Variants in TCF7L1 observed in about 807,000 individuals in gnomAD.
TCF7L1 encodes the protein transcription factor 7 like 1, also known as transcription factor 7-like 1.
In TCF7L1, 18 loss-of-function variants were observed where a neutral mutation model predicts 63.7. That is an observed-to-expected ratio of 0.28 (90% CI 0.20 to 0.42). TCF7L1 has a LOEUF of 0.42. TCF7L1 is among the 10% of genes least tolerant of loss of function. The pLI is 1.00. For synonymous variants in TCF7L1, 355 were observed against 340.9 expected (o/e 1.04, Z -0.46); for missense variants, 654 against 779.3 (o/e 0.84, Z 1.91).
At chr2:85,238,423 T>C (rs532591207) in intron 3 of TCF7L1, among the ~76,000 whole-genome samples, 1 of 152,276 alleles carries the variant, frequency 6.6e-6, no homozygotes, top group African/African-American at 2.4e-5. Flanking sequence ...ATGACTACTC[T>C]TTTGGGGGGA....
chr2:85,241,437 G>GTTTTTTTTTTTTTTTT (rs772334481), intron 3 of TCF7L1, among the ~76,000 whole-genome samples: 2 of 83,028 alleles, frequency 2.4e-5, no homozygotes, highest in Non-Finnish European at 5.1e-5. Flanking sequence ...CTTTGTTTTT[G>GTTTTTTTTTTTTTTTT]TTTTTTTTTT....
rs1462489126 is a variant in TCF7L1 at position 85,301,632 on chromosome 2, A to G, written c.526-852A>G. 4.6e-5 allele frequency among the ~76,000 whole-genome samples: 7 copies of G among 152,156 alleles called. No homozygotes were observed. In the East Asian group the frequency reaches 1.3e-3, roughly 29 times the overall value. ...TCCATTTGGTGGTGTTTTACACAGA[A>G]TGTGGTAGTGAGGTCAGCAGAGTAA... On this transcript the variant is annotated intron_variant, in intron 4 of 11. Coordinates refer to ENST00000282111, the MANE Select transcript of TCF7L1 (RefSeq NM_031283.3).
chr2:85,219,586 AG>A (rs1679797937), intron 3 of TCF7L1, among the ~76,000 whole-genome samples: 1 of 152,188 alleles, frequency 6.6e-6, no homozygotes, highest in East Asian at 1.9e-4. Context: ...CATTAGAAAA[AG>A]TAAGTGGCTA....
intron 3 of TCF7L1, among the ~76,000 whole-genome samples, chr2:85,278,423 G>A (rs527510019): frequency 6.6e-6 from 1 of 152,200 alleles, no homozygotes; most frequent in African/African-American, 2.4e-5. Flanking sequence ...TTTAAAACAT[G>A]ACTAGCATTC....
chr2:85,225,742 C>T (rs1210127470), intron 3 of TCF7L1, among the ~76,000 whole-genome samples: 2 of 152,204 alleles, frequency 1.3e-5, no homozygotes, highest in Non-Finnish European at 1.5e-5. Flanking sequence ...ATTTGACTTC[C>T]TCTTTTCCTA....
At position 85,258,445 on chromosome 2, in the gene TCF7L1, G is replaced by GCTTA. The variant is rs528635728; in HGVS notation, c.442-25047_442-25046insACTT. The stretch of plus-strand genomic sequence containing the variant: ...GGGGCTCGCGTTTGCCTGGGGCTGA[G>GCTTA]CTTTGATGGGGGTGCTGAGATGTCT... On this transcript the variant is annotated intron_variant, in intron 3 of 11. Transcript: ENST00000282111. Among the ~76,000 whole-genome samples the GCTTA allele has an allele frequency of 1.7e-3, 258 of 152,272 alleles. 1 individual carries two copies. The highest frequency in any genetic ancestry group is 0.011 in the South Asian group (52 of 4,814).
chr2:85,269,171 A>G (rs1353525166), intron 3 of TCF7L1, among the ~76,000 whole-genome samples: 3 of 152,212 alleles, frequency 2.0e-5, no homozygotes, highest in Non-Finnish European at 4.4e-5. Context: ...GCCCTCATCC[A>G]CAACTGGCAG....
chr2:85,161,921 TG>T (rs1188601908), intron 3 of TCF7L1, among the ~76,000 whole-genome samples: 3 of 151,986 alleles, frequency 2.0e-5, no homozygotes, highest in African/African-American at 7.3e-5. Flanking sequence ...CAGTCCCACA[TG>T]GGAAACAGAG....
intron 3 of TCF7L1, among the ~76,000 whole-genome samples, chr2:85,148,960 G>C (rs906233807): frequency 6.6e-6 from 1 of 151,884 alleles, no homozygotes; most frequent in Non-Finnish European, 1.5e-5. Flanking sequence ...TGTATTTTTA[G>C]TAGAGATGGG....
chr2:85,290,313 A>G (rs1038549658), intron 4 of TCF7L1, among the ~76,000 whole-genome samples: 1 of 152,020 alleles, frequency 6.6e-6, no homozygotes, highest in Non-Finnish European at 1.5e-5. Flanking sequence ...CATCCTGTGC[A>G]TATATTTGTA....
intron 4 of TCF7L1, among the ~76,000 whole-genome samples, chr2:85,284,861 T>C (rs1325399999): frequency 6.6e-6 from 1 of 152,176 alleles, no homozygotes; most frequent in Non-Finnish European, 1.5e-5. Context: ...CCATGTTCCC[T>C]TCACCCAGAA....
In TCF7L1 at chr2:85,306,034, A is replaced by G. The variant is rs1261822188; in HGVS notation, c.990-172A>G. On this transcript the variant is annotated intron_variant, in intron 8 of 11. Transcript: ENST00000282111. The surrounding 1 kb of genome is among the most constrained non-coding windows in gnomAD (Gnocchi z 4.3). ...CGTGGAGATCGTTCAAAGGTGGGAAACTACGGGAGGAAGGTACTCAGGTGT... is the reference window on the plus strand; with the variant it reads ...CGTGGAGATCGTTCAAAGGTGGGAAGCTACGGGAGGAAGGTACTCAGGTGT... Among the ~76,000 whole-genome samples, 1 of 152,104 alleles carries G rather than the reference A, an allele frequency of 6.6e-6. No homozygotes were observed.
At chr2:85,245,578 C>T (rs1288368295) in intron 3 of TCF7L1, among the ~76,000 whole-genome samples, 6 of 151,958 alleles carry the variant, frequency 3.9e-5, no homozygotes, top group East Asian at 1.9e-4. Context: ...TTTGGGAGGC[C>T]GAGGCGGGCA....
chr2:85,212,089 CAAAAAAAAAAA>C (rs61280306), intron 3 of TCF7L1, among the ~76,000 whole-genome samples: 2 of 69,808 alleles, frequency 2.9e-5, no homozygotes, highest in Non-Finnish European at 5.4e-5. Flanking sequence ...GACTCCATCT[CAAAAAAAAAAA>C]AAAAAAAAAA....
chr2:85,307,506 A>G, intron 10 of TCF7L1, 136 bp from the exon 11 acceptor site: 3 of 683,358 alleles, frequency 4.4e-6, no homozygotes, highest in Non-Finnish European at 7.6e-6. Flanking sequence ...TGTGATCTGA[A>G]TTATCTCTCC....
chr2:85,229,013 T>C (rs1573000638), intron 3 of TCF7L1, among the ~76,000 whole-genome samples: 1 of 95,992 alleles, frequency 1.0e-5, no homozygotes, highest in African/African-American at 5.0e-5. Flanking sequence ...AGAGAGAGAC[T>C]CTGTCTCAAA....
At chr2:85,214,778 T>C (rs1679655402) in intron 3 of TCF7L1, among the ~76,000 whole-genome samples, 1 of 152,208 alleles carries the variant, frequency 6.6e-6, no homozygotes, top group Non-Finnish European at 1.5e-5. Flanking sequence ...AAAAAAGATG[T>C]GTACATTTTA....
intron 3 of TCF7L1, among the ~76,000 whole-genome samples, chr2:85,241,431 GTTTTT>G (rs1680323143): frequency 2.9e-5 from 2 of 68,782 alleles, no homozygotes. Flanking sequence ...GATGCACTTT[GTTTTT>G]GTTTTTTTTT....
At chr2:85,296,102 T>C (rs1681835411) in intron 4 of TCF7L1, among the ~76,000 whole-genome samples, 1 of 152,176 alleles carries the variant, frequency 6.6e-6, no homozygotes, top group Non-Finnish European at 1.5e-5. Context: ...TTCATGTCAT[T>C]ATCTTACTCA....
Sources: allele counts gnomAD v4.1 joint callset (sites outside exome capture counted in the v4.1 genomes callset), GRCh38; gene constraint gnomAD v4.1.1; non-coding constraint Gnocchi (gnomAD v3.1); transcripts MANE v1.5; gene names NCBI Gene and HGNC (gene_info 2026-07-23, HGNC 2026-07-21).